MFSD6L: variants seen among roughly 807,000 people sequenced by gnomAD.
MFSD6L encodes the protein major facilitator superfamily domain-containing protein 6-like.
In MFSD6L, 9 loss-of-function variants were observed where a neutral mutation model predicts 6.4. The ratio of observed to expected loss-of-function variants is 1.42; its 90% CI spans 0.85 to 2.47. MFSD6L has a LOEUF of 2.47. Among genes scored for constraint, MFSD6L ranks in the 30% most tolerant of loss-of-function variants. The pLI is 0.00. For synonymous variants in MFSD6L, 336 were observed against 322.4 expected, an observed-to-expected ratio of 1.04 and a Z score of -0.45; for missense variants, 747 against 730.6, an observed-to-expected ratio of 1.02 and a Z score of -0.26.
Position 8,797,268 on chromosome 17 carries a change from G to T in MFSD6L, c.*92C>A. 2 of 1,263,592 alleles carry T rather than the reference G, an allele frequency of 1.6e-6. No homozygotes were observed. The highest frequency in any genetic ancestry group is 1.5e-5 in the African/African-American group (1 of 66,988). The allele number at this position is 1,263,592 out of a possible 1,614,324, so 78.3% of individuals were successfully genotyped here. ...ATCCTCTCTTCCCCGGCTCCCAGCA[G>T]TCCAGGGCAGGTTTCTGTCCTCAGC... is the stretch of plus-strand genomic sequence containing the variant. On this transcript the variant is annotated 3_prime_UTR_variant, in exon 1 of 1. Transcript: ENST00000329805.
In MFSD6L at chr17:8,797,223, T is replaced by C. The variant is rs891365040; in HGVS notation, c.*137A>G. 2.3e-5 allele frequency: 14 copies of C among 618,640 alleles called. No individual in the cohort carries two copies. In the African/African-American group the frequency reaches 2.6e-4, roughly 11 times the overall value. 38.3% of individuals were successfully genotyped at this position (618,640 alleles called of 1,614,324 possible). The stretch of plus-strand genomic sequence containing the variant: ...AAATCATGCAATGAGATGATCCTGT[T>C]GGGCCTTCAGCACAGACCCATCCTC... On this transcript the variant is annotated 3_prime_UTR_variant, in exon 1 of 1. Transcript: ENST00000329805.
Position 8,797,764 on chromosome 17 carries a change from T to A in MFSD6L, c.1357A>T (p.Ser453Cys). Residue 453 changes from serine (S) to cysteine (C), a missense_variant, in exon 1 of 1, where the codon AGC becomes TGC. By Grantham distance (112) the Ser-to-Cys change is moderately radical. Coordinates refer to ENST00000329805, the MANE Select transcript of MFSD6L (RefSeq NM_152599.4). ...GQLLYYSFLWSWWSVLPIQIL... is the reference protein window; with the variant it reads ...GQLLYYSFLWCWWSVLPIQIL... ...TGAATGGGGAGGACGGACCACCAGCTCCAGAGGAAAGAGTAGTACAGCAGC... is the reference window on the plus strand; with the variant it reads ...TGAATGGGGAGGACGGACCACCAGCACCAGAGGAAAGAGTAGTACAGCAGC... 6.2e-7 allele frequency: 1 copy of A among 1,613,848 alleles called. No homozygotes were observed. Among genetic ancestry groups the A allele is most frequent in the Non-Finnish European group, 8.5e-7 (1 of 1,179,990 alleles).
rs1403848681 is a variant in MFSD6L, at chr17:8,798,049, C to T, written c.1072G>A (p.Ala358Thr). Reference sequence around the variant, plus strand: ...GGGTCACCCCCCACAATGGACAGTGCTTTGACCCTTTTGTAGCTGGGCTCC... The same window carrying T: ...GGGTCACCCCCCACAATGGACAGTGTTTTGACCCTTTTGTAGCTGGGCTCC... ...QWEPSYKRVK[A>T]LSIVGGDPHL... Residue 358 changes from alanine (A) to threonine (T), a missense_variant, in exon 1 of 1, where the codon GCA becomes ACA. Ala to Thr is a moderately conservative substitution (Grantham distance 58). Transcript: ENST00000329805. The T allele has an allele frequency of 2.5e-6, 4 of 1,614,106 alleles. No individual in the cohort carries two copies. Among genetic ancestry groups the T allele is most frequent in the Non-Finnish European group, 3.4e-6 (4 of 1,180,024 alleles).
Position 8,798,575 on chromosome 17 carries a change from T to A in MFSD6L, c.546A>T (p.Thr182=), listed in dbSNP as rs764076761. 1.2e-6 allele frequency: 2 copies of A among 1,614,088 alleles called. No homozygotes were observed. Among genetic ancestry groups the A allele is most frequent in the South Asian group, 2.2e-5 (2 of 91,082 alleles). The change falls in exon 1 of 1, where the codon ACA becomes ACT. Residue 182 remains threonine, a synonymous_variant. Coordinates refer to ENST00000329805, the MANE Select transcript of MFSD6L (RefSeq NM_152599.4). ...LAPSVEGART[T]SQALLHPVTS... ...TGACAGGATGGAGGAGAGCTTGGGA[T>A]GTGGTCCTAGCTCCTTCAACGGAGG... is the stretch of plus-strand genomic sequence containing the variant.
rs779522622 is a variant in MFSD6L, at chr17:8,797,707, A to T, written c.1414T>A (p.Trp472Arg). 2 of 1,613,848 alleles carry T rather than the reference A, an allele frequency of 1.2e-6. No individual in the cohort carries two copies. Among genetic ancestry groups the T allele is most frequent in the Non-Finnish European group, 8.5e-7 (1 of 1,180,006 alleles). ...TCTACTGAGGCCCCCACAGCCCACC[A>T]CAAAGCTCTGTTGCTAATGGCACTC... ...ILSAISNRALWWAVGASVEDL... is the reference protein window; with the variant it reads ...ILSAISNRALRWAVGASVEDL... The change falls in exon 1 of 1, where the codon TGG becomes AGG. Residue 472 changes from tryptophan to arginine, a missense_variant. Coordinates refer to ENST00000329805, the MANE Select transcript of MFSD6L (RefSeq NM_152599.4).
chr17:8,798,678 A>T lies in MFSD6L; in HGVS notation c.443T>A (p.Val148Glu), dbSNP rs1309640269. ...TGGGTTTCTGAAGCCAGGCATTTCC[A>T]CCTCTGCAGTCCTCTTGGCTGGGTG... ...SSHPAKRTAEVEMPGFRNPPG... is the reference protein window; with the variant it reads ...SSHPAKRTAEEEMPGFRNPPG... Residue 148 changes from valine to glutamate, a missense_variant, in exon 1 of 1, where the codon GTG becomes GAG. By Grantham distance (121) the Val-to-Glu change is moderately radical (BLOSUM62 -2). Transcript: ENST00000329805. 5.1e-5 allele frequency: 82 copies of T among 1,613,778 alleles called. No individual in the cohort carries two copies. In the Admixed American group the frequency reaches 1.4e-3, roughly 27 times the overall value.
chr17:8,798,723 G>A lies in MFSD6L; in HGVS notation c.398C>T (p.Ala133Val). The A allele has an allele frequency of 1.9e-6, 3 of 1,614,070 alleles. No individual in the cohort carries two copies. Among genetic ancestry groups the A allele is most frequent in the Non-Finnish European group, 2.5e-6 (3 of 1,180,032 alleles). The change falls in exon 1 of 1, where the codon GCC becomes GTC. Residue 133 changes from alanine (A) to valine (V), a missense_variant. By Grantham distance (64) the Ala-to-Val change is moderately conservative. Coordinates refer to ENST00000329805, the MANE Select transcript of MFSD6L (RefSeq NM_152599.4). ...TGGGTGGCTGGAGGCAGACTCTTGG[G>A]CCGAGGTGATGTTCACAGGTAGCGT... ...GVTLPVNITS[A>V]QESASSHPAK...
rs2087012872 is a variant in MFSD6L at position 8,797,866 on chromosome 17, G to T, written c.1255C>A (p.Pro419Thr). Residue 419 changes from proline (P) to threonine (T), a missense_variant, in exon 1 of 1, where the codon CCG (proline) becomes ACG (threonine). Transcript: ENST00000329805. Reference protein sequence around the residue: ...LSLLGEILLHPFKATLLRKLS... With the variant: ...LSLLGEILLHTFKATLLRKLS... ...TTCCTAAGCAATGTAGCTTTGAACG[G>T]ATGAAGCAGAATTTCCCCCAGCAAG... 1 of 1,613,500 alleles carries T rather than the reference G, an allele frequency of 6.2e-7. No individual in the cohort carries two copies. Among genetic ancestry groups the T allele is most frequent in the Admixed American group, 1.7e-5 (1 of 59,998 alleles).
Position 8,799,161 on chromosome 17 carries a change from A to C in MFSD6L, c.-41T>G. On this transcript the variant is annotated 5_prime_UTR_variant, in exon 1 of 1. Transcript: ENST00000329805. This position sits in a 1 kb window ranked among gnomAD's most constrained non-coding sequence, Gnocchi z 5.3. ...TCAGGCCTGGGCCGACGGAGGGCGG[A>C]GCTGGGCGCAGGGCGGGCGCGGCCC... 6.7e-7 allele frequency: 1 copy of C among 1,500,380 alleles called. No individual in the cohort carries two copies. The highest frequency in any genetic ancestry group is 8.9e-7 in the Non-Finnish European group (1 of 1,126,986). 92.9% of individuals were successfully genotyped at this position (1,500,380 alleles called of 1,614,324 possible).
At position 8,798,616 on chromosome 17, in the gene MFSD6L, G is replaced by A. The variant is rs140038449; in HGVS notation, c.505C>T (p.His169Tyr). The change falls in exon 1 of 1, where the codon CAC (histidine) becomes TAC (tyrosine). Residue 169 changes from histidine (H) to tyrosine (Y), a missense_variant. By Grantham distance (83) the His-to-Tyr change is moderately conservative (BLOSUM62 2). Coordinates refer to ENST00000329805, the MANE Select transcript of MFSD6L (RefSeq NM_152599.4). ...TCAACGGAGGGCGCTAAGTAGACGT[G>A]CAGATCACGGAAAGTTTCTCGGTCA... ...ESDRETFRDL[H>Y]VYLAPSVEGA... The A allele has an allele frequency of 4.6e-5, 75 of 1,614,184 alleles. No homozygotes were observed. The African/African-American group carries it at 8.3e-4, about 18-fold the overall frequency.
chr17:8,799,216 C>A lies in MFSD6L; in HGVS notation c.-96G>T, dbSNP rs559098230. 5.0e-6 allele frequency: 6 copies of A among 1,196,164 alleles called. No homozygotes were observed. The highest frequency in any genetic ancestry group is 3.1e-5 in the African/African-American group (2 of 63,694). The allele number at this position is 1,196,164 out of a possible 1,614,324, so 74.1% of individuals were successfully genotyped here. A position where few individuals can be genotyped will look rare whatever the true frequency, so the allele number is the denominator to read the frequency against. On this transcript the variant is annotated 5_prime_UTR_variant, in exon 1 of 1. Coordinates refer to ENST00000329805, the MANE Select transcript of MFSD6L (RefSeq NM_152599.4). The surrounding 1 kb of genome is among the most constrained non-coding windows in gnomAD (Gnocchi z 5.3). ...TACCCGGGAGGGAGGCTTGGGGGAC[C>A]GGGGCTCGGAGCGAGTGGGACTGCG...
At position 8,798,476 on chromosome 17, in the gene MFSD6L, C is replaced by T. The variant is rs1193062031; in HGVS notation, c.645G>A (p.Gly215=). The change falls in exon 1 of 1, where the codon GGG becomes GGA. Residue 215 remains glycine, a synonymous_variant. Coordinates refer to ENST00000329805, the MANE Select transcript of MFSD6L (RefSeq NM_152599.4). ...TGGCTGGATTCCCGGGCCCTTTCCCCCCAGGAAGCAAGGGGAGGGCTGTCT... is the reference window on the plus strand; with the variant it reads ...TGGCTGGATTCCCGGGCCCTTTCCCTCCAGGAAGCAAGGGGAGGGCTGTCT... ...VVKTALPLLP[G]GKGPGNPANL... 9 of 1,607,258 alleles carry T rather than the reference C, an allele frequency of 5.6e-6. No individual in the cohort carries two copies. The highest frequency in any genetic ancestry group is 7.7e-6 in the Non-Finnish European group (9 of 1,176,012).
rs778994955 is a variant in MFSD6L, at chr17:8,798,988, C to T, written c.133G>A (p.Ala45Thr). Residue 45 changes from alanine (A) to threonine (T), a missense_variant, in exon 1 of 1, where the codon GCG becomes ACG. Coordinates refer to ENST00000329805, the MANE Select transcript of MFSD6L (RefSeq NM_152599.4). ...CCCATTAGGGTGCCCACCCAGGGCGCGGCCAAGCCCAGCTGCCTCAGGTAA... is the reference window on the plus strand; with the variant it reads ...CCCATTAGGGTGCCCACCCAGGGCGTGGCCAAGCCCAGCTGCCTCAGGTAA... ...TLYLRQLGLA[A>T]PWVGTLMGTK... 5 of 1,613,828 alleles carry T rather than the reference C, an allele frequency of 3.1e-6. No homozygotes were observed. The highest frequency in any genetic ancestry group is 8.5e-7 in the Non-Finnish European group (1 of 1,179,976).
In MFSD6L at chr17:8,797,928, C is replaced by T. The variant is rs1167243108; in HGVS notation, c.1193G>A (p.Ser398Asn). 2 of 1,614,054 alleles carry T rather than the reference C, an allele frequency of 1.2e-6. No homozygotes were observed. Among genetic ancestry groups the T allele is most frequent in the Admixed American group, 1.7e-5 (1 of 60,026 alleles). ...CGAGAAACCCATGACCAGCTCGCCGCTCCCATGGTCCTTCATGTGCCAGAA... is the reference window on the plus strand; with the variant it reads ...CGAGAAACCCATGACCAGCTCGCCGTTCCCATGGTCCTTCATGTGCCAGAA... ...FLFWHMKDHG[S>N]GELVMGFSVA... The change falls in exon 1 of 1, where the codon AGC (serine) becomes AAC (asparagine). Residue 398 changes from serine to asparagine, a missense_variant. Transcript: ENST00000329805.
Position 8,797,639 on chromosome 17 carries a change from C to G in MFSD6L, c.1482G>C (p.Leu494Phe), listed in dbSNP as rs2087009637. 1 of 1,613,276 alleles carries G rather than the reference C, an allele frequency of 6.2e-7. No homozygotes were observed. Among genetic ancestry groups the G allele is most frequent in the Admixed American group, 1.7e-5 (1 of 60,002 alleles). ...CACTCCCGTAAAAGTGGCCTCGGAA[C>G]AAGGCACTCAGAGCCCTCTCCATGC... ...TPRMERALSA[L>F]FRGHFYGSGC... is the part of the protein sequence containing the mutation. The change falls in exon 1 of 1, where the codon TTG becomes TTC. Residue 494 changes from leucine (L) to phenylalanine (F), a missense_variant. By Grantham distance (22) the Leu-to-Phe change is conservative. Coordinates refer to ENST00000329805, the MANE Select transcript of MFSD6L (RefSeq NM_152599.4).
At position 8,798,169 on chromosome 17, in the gene MFSD6L, G is replaced by T. The variant is rs1488874118; in HGVS notation, c.952C>A (p.Pro318Thr). 1.9e-6 allele frequency: 3 copies of T among 1,613,298 alleles called. No individual in the cohort carries two copies. Among genetic ancestry groups the T allele is most frequent in the African/African-American group, 2.7e-5 (2 of 74,958 alleles). The change falls in exon 1 of 1, where the codon CCC (proline) becomes ACC (threonine). Residue 318 changes from proline to threonine, a missense_variant. Transcript: ENST00000329805. ...CCATAGAAGTGGACCACACCTCGGG[G>T]GCCACTGGTCATCAGGAAGCAGTCC... ...QLDCFLMTSG[P>T]RGVVHFYGYS...
At position 8,797,778 on chromosome 17, in the gene MFSD6L, T is replaced by C. The variant is rs1038384884; in HGVS notation, c.1343A>G (p.Tyr448Cys). Residue 448 changes from tyrosine (Y) to cysteine (C), a missense_variant, in exon 1 of 1, where the codon TAC (tyrosine) becomes TGC (cysteine). Coordinates refer to ENST00000329805, the MANE Select transcript of MFSD6L (RefSeq NM_152599.4). The part of the protein sequence containing the change: ...LSCLAGQLLY[Y>C]SFLWSWWSVL... ...GGACCACCAGCTCCAGAGGAAAGAG[T>C]AGTACAGCAGCTGCCCAGCGAGGCA... The C allele has an allele frequency of 5.6e-6, 9 of 1,612,464 alleles. No homozygotes were observed. The highest frequency in any genetic ancestry group is 7.6e-6 in the Non-Finnish European group (9 of 1,179,640).
Position 8,798,496 on chromosome 17 carries a change from C to T in MFSD6L, c.625G>A (p.Ala209Thr), listed in dbSNP as rs144238966. 2.4e-3 allele frequency: 3,862 copies of T among 1,608,562 alleles called. 22 individuals are homozygous for T. The highest frequency in any genetic ancestry group is 9.8e-3 in the Middle Eastern group (59 of 6,028). Residue 209 changes from alanine (A) to threonine (T), a missense_variant, in exon 1 of 1, where the codon GCC becomes ACC. Physicochemically the swap from Ala to Thr is moderately conservative, Grantham distance 58 (BLOSUM62 0). Coordinates refer to ENST00000329805, the MANE Select transcript of MFSD6L (RefSeq NM_152599.4). The stretch of plus-strand genomic sequence containing the variant: ...TTCCCCCCAGGAAGCAAGGGGAGGG[C>T]TGTCTTGACCACCTCAAAAGTAACT... ...WEVTFEVVKT[A>T]LPLLPGGKGP...
In MFSD6L at chr17:8,797,154, A is replaced by G. The variant is rs2087005759; in HGVS notation, c.*206T>C. 2.1e-6 allele frequency: 1 copy of G among 466,918 alleles called. No individual in the cohort carries two copies. Among genetic ancestry groups the G allele is most frequent in the Non-Finnish European group, 3.7e-6 (1 of 270,422 alleles). The allele number at this position is 466,918 out of a possible 1,614,324, so 28.9% of individuals were successfully genotyped here. A position where few individuals can be genotyped will look rare whatever the true frequency, so the allele number is the denominator to read the frequency against. On this transcript the variant is annotated 3_prime_UTR_variant, in exon 1 of 1. Transcript: ENST00000329805. ...GTATTCTTCCTCCATTATCTAAAAA[A>G]GATTGGCAAAAAGTTAAATCTCCTT...
Sources: gnomAD v4.1 joint callset for allele counts on GRCh38, gnomAD v4.1.1 for gene constraint, Gnocchi (gnomAD v3.1) non-coding constraint, MANE v1.5 for transcripts, NCBI Gene and HGNC (gene_info 2026-07-23, HGNC 2026-07-21) for gene names.